Variants in KCTD8 observed in about 807,000 individuals in gnomAD.
The protein encoded by KCTD8 is BTB/POZ domain-containing protein KCTD8.
A neutral mutation model predicts 31.5 loss-of-function variants in KCTD8; 27 were observed. The observed-to-expected ratio is 0.86, with a 90% confidence interval of 0.63 to 1.18. The LOEUF (loss-of-function observed/expected upper bound fraction) is 1.18, where lower values mean the gene tolerates loss of function less well. KCTD8 is among the 50% of genes most tolerant of loss of function. The pLI is 0.00. For synonymous variants in KCTD8, 290 were observed against 280.0 expected, an observed-to-expected ratio of 1.04 and a Z score of -0.36; for missense variants, 658 against 647.7, an observed-to-expected ratio of 1.02 and a Z score of -0.17.
intron 1 of KCTD8, among the ~76,000 whole-genome samples, chr4:44,229,828 TTTTC>T (rs1715070501): frequency 7.1e-6 from 1 of 141,604 alleles, no homozygotes; most frequent in Admixed American, 7.2e-5. Flanking sequence ...TTTTTTTTCT[TTTTC>T]TTTTTTTTAT....
At chr4:44,194,173 C>T (rs1713860416) in intron 1 of KCTD8, among the ~76,000 whole-genome samples, 1 of 152,140 alleles carries the variant, frequency 6.6e-6, no homozygotes, top group Admixed American at 6.5e-5. Context: ...TGACATAAGG[C>T]CAGAAATTTC....
chr4:44,228,804 A>G (rs1174096691), intron 1 of KCTD8, among the ~76,000 whole-genome samples: 3 of 152,192 alleles, frequency 2.0e-5, no homozygotes, highest in African/African-American at 7.2e-5. Context: ...CTCTGTGCCT[A>G]GTGTAGTGAC....
chr4:44,405,549 T>C (rs2109459688), intron 1 of KCTD8, among the ~76,000 whole-genome samples: 1 of 152,154 alleles, frequency 6.6e-6, no homozygotes, highest in South Asian at 2.1e-4. Context: ...ATTACAGGCG[T>C]GAGCCACCGC....
intron 1 of KCTD8, among the ~76,000 whole-genome samples, chr4:44,297,091 TA>T (rs1207410938): frequency 1.3e-5 from 2 of 151,908 alleles, no homozygotes; most frequent in Non-Finnish European, 2.9e-5. Context: ...GGGTTGACAA[TA>T]AAAAACCAAA....
intron 1 of KCTD8, among the ~76,000 whole-genome samples, chr4:44,185,376 A>T (rs1331177677): frequency 1.3e-5 from 2 of 152,186 alleles, no homozygotes; most frequent in Non-Finnish European, 2.9e-5. Flanking sequence ...CCTACTTCAA[A>T]CTATTCTCAA....
chr4:44,207,515 T>C (rs1714349579), intron 1 of KCTD8, among the ~76,000 whole-genome samples: 1 of 152,202 alleles, frequency 6.6e-6, no homozygotes, highest in African/African-American at 2.4e-5. Flanking sequence ...TTTGACAATA[T>C]CTGTTGAATT....
chr4:44,215,242 T>C (rs754409497), intron 1 of KCTD8, among the ~76,000 whole-genome samples: 23 of 152,082 alleles, frequency 1.5e-4, no homozygotes, highest in Non-Finnish European at 3.2e-4. Context: ...GTTGCACTTT[T>C]CCTGTCTTGA....
intron 1 of KCTD8, among the ~76,000 whole-genome samples, chr4:44,390,039 C>A (rs1720328974): frequency 6.6e-6 from 1 of 151,868 alleles, no homozygotes; most frequent in Non-Finnish European, 1.5e-5. Context: ...GATATTAGTT[C>A]TTTGTCAGAT....
chr4:44,298,010 T>G (rs1014680680), intron 1 of KCTD8, among the ~76,000 whole-genome samples: 1 of 152,150 alleles, frequency 6.6e-6, no homozygotes, highest in African/African-American at 2.4e-5. Flanking sequence ...TATGAACTCA[T>G]TTGAGTCAAG....
chr4:44,408,799 A>G (rs1227257372), intron 1 of KCTD8, among the ~76,000 whole-genome samples: 1 of 151,986 alleles, frequency 6.6e-6, no homozygotes, highest in Non-Finnish European at 1.5e-5. Context: ...TTTATATTTT[A>G]GTAGAGACGG....
Position 44,434,544 on chromosome 4 carries a change from T to A in KCTD8, c.961+13019A>T, listed in dbSNP as rs147960365. 8.7e-3 allele frequency among the ~76,000 whole-genome samples: 1,324 copies of A among 151,958 alleles called. 18 individuals carry two copies. The highest frequency in any genetic ancestry group is 0.02 in the South Asian group (94 of 4,820). On this transcript the variant is annotated intron_variant, in intron 1 of 1. Transcript: ENST00000360029. Reference sequence around the variant, plus strand: ...AAACCCAGTCATAAGATGTCTATACTCACCCATCACACAGCTTCCCTACTT... The same window carrying A: ...AAACCCAGTCATAAGATGTCTATACACACCCATCACACAGCTTCCCTACTT...
intron 1 of KCTD8, among the ~76,000 whole-genome samples, chr4:44,368,592 TAGTC>T (rs776966887): frequency 6.6e-5 from 10 of 152,188 alleles, no homozygotes; most frequent in Non-Finnish European, 8.8e-5. Flanking sequence ...CTGTTGGAAT[TAGTC>T]AGCAGCAGAA....
At chr4:44,218,500 C>T (rs1243389754) in intron 1 of KCTD8, among the ~76,000 whole-genome samples, 1 of 150,914 alleles carries the variant, frequency 6.6e-6, no homozygotes, top group Non-Finnish European at 1.5e-5. Flanking sequence ...GATGGATACC[C>T]CATACTCCGT....
chr4:44,271,463 G>A (rs1716597324), intron 1 of KCTD8, among the ~76,000 whole-genome samples: 1 of 152,120 alleles, frequency 6.6e-6, no homozygotes, highest in Non-Finnish European at 1.5e-5. Flanking sequence ...TTTACTGAGT[G>A]TGTGACTGCT....
intron 1 of KCTD8, among the ~76,000 whole-genome samples, chr4:44,264,839 G>C (rs1577582010): frequency 6.6e-6 from 1 of 152,304 alleles, no homozygotes; most frequent in East Asian, 1.9e-4. Flanking sequence ...GGCTGGGGGA[G>C]GGGTGCATGC....
intron 1 of KCTD8, among the ~76,000 whole-genome samples, chr4:44,400,818 T>G (rs1361994240): frequency 3.3e-5 from 5 of 151,834 alleles, no homozygotes; most frequent in Non-Finnish European, 1.5e-5. Flanking sequence ...GTATTTTAGT[T>G]CAATGAATGA....
chr4:44,250,253 AAT>A (rs1715788104), intron 1 of KCTD8, among the ~76,000 whole-genome samples: 1 of 151,752 alleles, frequency 6.6e-6, no homozygotes, highest in Non-Finnish European at 1.5e-5. Flanking sequence ...TTTCACCAGA[AAT>A]ATACTAGTTT....
At chr4:44,225,121 G>T (rs1714918672) in intron 1 of KCTD8, among the ~76,000 whole-genome samples, 1 of 152,164 alleles carries the variant, frequency 6.6e-6, no homozygotes, top group African/African-American at 2.4e-5. Context: ...ACCTTTCATG[G>T]CACATCTCCA....
intron 1 of KCTD8, among the ~76,000 whole-genome samples, chr4:44,194,280 C>A (rs960851903): frequency 6.6e-6 from 1 of 152,116 alleles, no homozygotes; most frequent in African/African-American, 2.4e-5. Flanking sequence ...GCACTTTAGT[C>A]TAAACCTGAT....
Sources: allele counts gnomAD v4.1 joint callset (sites outside exome capture counted in the v4.1 genomes callset), GRCh38; gene constraint gnomAD v4.1.1; transcripts MANE v1.5; gene names NCBI Gene and HGNC (gene_info 2026-07-23, HGNC 2026-07-21).